KLRF1: variants seen among roughly 807,000 people sequenced by gnomAD.
KLRF1 encodes the protein killer cell lectin-like receptor subfamily F member 1.
In KLRF1, 27 loss-of-function variants were observed where a neutral mutation model predicts 30.7. That is an observed-to-expected ratio of 0.88 (90% CI 0.65 to 1.21). The LOEUF (loss-of-function observed/expected upper bound fraction) is 1.21. Ranked by LOEUF, KLRF1 falls within the 50% of genes most tolerant of loss-of-function variation. KLRF1 has a pLI of 0.00. For synonymous variants in KLRF1, 92 were observed against 89.3 expected, an observed-to-expected ratio of 1.03 and a Z score of -0.17; for missense variants, 246 against 259.3, an observed-to-expected ratio of 0.95 and a Z score of 0.35.
rs140697257 is a variant in KLRF1 at position 9,827,861 on chromosome 12, T to A, written c.85+232T>A. Among the ~76,000 whole-genome samples the A allele has an allele frequency of 2.3e-3, 351 of 152,356 alleles. 1 individual carries two copies. Among genetic ancestry groups the A allele is most frequent in the Non-Finnish European group, 4.1e-3 (277 of 68,032 alleles). On this transcript the variant is annotated intron_variant, in intron 1 of 5. Transcript: ENST00000617889. ...GGCACTATACAGAATGTTTTATCTA[T>A]GTTCCTTCATTTAATCTTACAAATT...
At chr12:9,827,856 A>G (rs1210191568) in intron 1 of KLRF1, among the ~76,000 whole-genome samples, 1 of 152,178 alleles carries the variant, frequency 6.6e-6, no homozygotes, top group Non-Finnish European at 1.5e-5. Context: ...AGAATGTTTT[A>G]TCTATGTTCC....
At chr12:9,823,775 A>G (rs916207539), upstream of KLRF1, among the ~76,000 whole-genome samples, 1 of 152,072 alleles carries the variant, frequency 6.6e-6, no homozygotes, top group African/African-American at 2.4e-5. Flanking sequence ...TCAAATAAAT[A>G]CAATTAGAAA....
chr12:9,826,009 G>A (rs992353350), upstream of KLRF1, among the ~76,000 whole-genome samples: 2 of 152,090 alleles, frequency 1.3e-5, no homozygotes, highest in East Asian at 3.8e-4. Context: ...ACACAAAAAT[G>A]TATTATCCTT....
chr12:9,810,273 T>C, the KLRF1 span, among the ~76,000 whole-genome samples: 1 of 152,220 alleles, frequency 6.6e-6, no homozygotes, highest in Non-Finnish European at 1.5e-5. Context: ...TCCAAGTATA[T>C]TCCCAAAATT....
At chr12:9,833,490 T>G in intron 3 of KLRF1, 38 bp downstream of exon 3, 1 of 1,538,316 alleles carries the variant, frequency 6.5e-7, no homozygotes, top group Non-Finnish European at 8.7e-7. Flanking sequence ...AGTTTTAATC[T>G]TTTGGACTCT....
chr12:9,800,614 A>G, the KLRF1 span, among the ~76,000 whole-genome samples: 1 of 152,000 alleles, frequency 6.6e-6, no homozygotes, highest in Non-Finnish European at 1.5e-5. Flanking sequence ...CTAATGACAT[A>G]TGATATTGAT....
At chr12:9,830,109 T>C (rs1409026549) in intron 1 of KLRF1, among the ~76,000 whole-genome samples, 1 of 152,220 alleles carries the variant, frequency 6.6e-6, no homozygotes, top group African/African-American at 2.4e-5. Flanking sequence ...TGTTTTGTTT[T>C]GTTTGTATTG....
At chr12:9,811,253 A>G in the KLRF1 span, among the ~76,000 whole-genome samples, 2 of 149,904 alleles carry the variant, frequency 1.3e-5, no homozygotes, top group South Asian at 4.2e-4. Context: ...CAAAGGAGAC[A>G]TCACACATCA....
At chr12:9,803,231 A>G in the KLRF1 span, among the ~76,000 whole-genome samples, 3 of 152,130 alleles carry the variant, frequency 2.0e-5, no homozygotes, top group African/African-American at 7.2e-5. Flanking sequence ...TATTTAATAA[A>G]TGGTGCTGGG....
chr12:9,837,172 G>C (rs902239461), intron 3 of KLRF1, among the ~76,000 whole-genome samples: 8 of 151,774 alleles, frequency 5.3e-5, no homozygotes, highest in African/African-American at 1.7e-4. Flanking sequence ...GGTCTATATG[G>C]ATTTACCTAT....
chr12:9,807,773 G>A, the KLRF1 span, among the ~76,000 whole-genome samples: 1 of 152,158 alleles, frequency 6.6e-6, no homozygotes, highest in East Asian at 1.9e-4. Flanking sequence ...GGGGAGGGGT[G>A]TTCATTTCAC....
At chr12:9,813,378 C>T in the KLRF1 span, among the ~76,000 whole-genome samples, 2 of 152,120 alleles carry the variant, frequency 1.3e-5, no homozygotes, top group East Asian at 3.9e-4. Flanking sequence ...ATGATCAGGG[C>T]TCACTGCAGC....
the KLRF1 span, among the ~76,000 whole-genome samples, chr12:9,806,625 G>A: frequency 6.6e-6 from 1 of 151,984 alleles, no homozygotes; most frequent in African/African-American, 2.4e-5. Flanking sequence ...TATTAACATG[G>A]CTGGTTTTAT....
chr12:9,833,501 C>G, intron 3 of KLRF1, 49 bp downstream of exon 3: 2 of 1,468,988 alleles, frequency 1.4e-6, no homozygotes, highest in Non-Finnish European at 1.8e-6. Flanking sequence ...TTTGGACTCT[C>G]TAAATGTGAA....
chr12:9,827,820 A>G (rs1416255161), intron 1 of KLRF1, among the ~76,000 whole-genome samples, 191 bp downstream of exon 1: 1 of 152,160 alleles, frequency 6.6e-6, no homozygotes, highest in East Asian at 1.9e-4. Context: ...TTACCATTTA[A>G]GAAACACCAG....
Position 9,842,320 on chromosome 12 carries a change from G to A in KLRF1, c.475-1G>A. ...CATTTAGTCCCTCGTCCACATTTTA[G>A]GCTTTTATACAGAAAAACCTAAGAC... On this transcript the variant is annotated splice_acceptor_variant, in intron 4 of 5. Transcript: ENST00000617889. LOFTEE classifies it high-confidence loss of function. 1 of 1,609,782 alleles carries A rather than the reference G, an allele frequency of 6.2e-7. No homozygotes were observed. The highest frequency in any genetic ancestry group is 8.5e-7 in the Non-Finnish European group (1 of 1,177,830).
At chr12:9,841,436 C>G (rs1022606171) in intron 3 of KLRF1, among the ~76,000 whole-genome samples, 5 of 152,020 alleles carry the variant, frequency 3.3e-5, no homozygotes, top group African/African-American at 1.2e-4. Context: ...TGTAACAAAC[C>G]TGCACGTATA....
intron 3 of KLRF1, among the ~76,000 whole-genome samples, chr12:9,836,076 T>A (rs1201869090): frequency 6.6e-6 from 1 of 151,884 alleles, no homozygotes; most frequent in Non-Finnish European, 1.5e-5. Context: ...AAGCCAGCAG[T>A]TGTTCAATAA....
chr12:9,812,868 G>A, the KLRF1 span, among the ~76,000 whole-genome samples: 2 of 152,196 alleles, frequency 1.3e-5, no homozygotes, highest in Non-Finnish European at 2.9e-5. Context: ...CTCTTTTAAT[G>A]CAGTTTGACC....
Sources: gnomAD v4.1 joint callset for allele counts (sites outside exome capture counted in the v4.1 genomes callset) on GRCh38, gnomAD v4.1.1 for gene constraint, MANE v1.5 for transcripts, NCBI Gene and HGNC (gene_info 2026-07-23, HGNC 2026-07-21) for gene names.